The following ZNF780A variants were observed in gnomAD, a reference collection of about 807,000 sequenced individuals.
The protein encoded by ZNF780A is zinc finger protein 780A.
A neutral mutation model predicts 56.7 loss-of-function variants in ZNF780A; 40 were observed. The ratio of observed to expected loss-of-function variants is 0.71; its 90% confidence interval spans 0.55 to 0.92. ZNF780A has a LOEUF of 0.92. Ranked by LOEUF, ZNF780A falls within the 40% of genes least tolerant of loss-of-function variation. The pLI, the probability that ZNF780A is intolerant of heterozygous loss-of-function variation, is 0.00. For missense variants in ZNF780A, 672 were observed against 783.3 expected, an observed-to-expected ratio of 0.86 and a Z score of 1.70; for synonymous variants, 231 against 248.3, an observed-to-expected ratio of 0.93 and a Z score of 0.66.
chr19:40,090,037 T>C (rs1195855167), intron 2 of ZNF780A, 129 bp downstream of exon 2: 1 of 152,130 alleles, frequency 6.6e-6, no homozygotes, highest in African/African-American at 2.4e-5. Flanking sequence ...GACTATTAAG[T>C]GGAAAGGTGA....
chr19:40,079,859 A>G (rs562533213), intron 5 of ZNF780A, among the ~76,000 whole-genome samples: 23 of 152,328 alleles, frequency 1.5e-4, no homozygotes, highest in Non-Finnish European at 5.9e-5. Flanking sequence ...TGATGGCAAT[A>G]AACACCTACA....
intron 1 of ZNF780A, chr19:40,090,557 C>T (rs903029889): frequency 1.3e-5 from 2 of 152,410 alleles, no homozygotes; most frequent in African/African-American, 4.8e-5. Flanking sequence ...TGCTGCAGTC[C>T]CCGCAGCTGT....
intron 5 of ZNF780A, among the ~76,000 whole-genome samples, chr19:40,076,684 G>A (rs757411132): frequency 6.6e-5 from 10 of 152,116 alleles, no homozygotes; most frequent in Non-Finnish European, 1.2e-4. Flanking sequence ...GAACCAGCAC[G>A]TACAACTGGG....
Position 40,083,360 on chromosome 19 carries a change from C to CA in ZNF780A, c.10-124dup, listed in dbSNP as rs1260742238. ...TATGGAAATTCACAGAGTGCCTGCACATTCTTCAAGAAGTCTCCTGCTGGC... is the reference window on the plus strand; with the variant it reads ...TATGGAAATTCACAGAGTGCCTGCACAATTCTTCAAGAAGTCTCCTGCTGGC... On this transcript the variant is annotated intron_variant, in intron 3 of 5. Coordinates refer to ENST00000683561, the MANE Select transcript of ZNF780A (RefSeq NM_001142578.2). The CA allele has an allele frequency of 9.7e-6, 14 of 1,442,190 alleles. No homozygotes were observed. In the South Asian group the frequency reaches 1.9e-4, roughly 20 times the overall value. The allele number at this position is 1,442,190 out of a possible 1,614,324, so 89.3% of individuals were successfully genotyped here.
downstream of ZNF780A, chr19:40,072,861 AG>A (rs1973884266): frequency 6.5e-7 from 1 of 1,537,262 alleles, no homozygotes; most frequent in Non-Finnish European, 8.8e-7. Flanking sequence ...CTACATTCAT[AG>A]GATTTCCAGG....
intron 2 of ZNF780A, chr19:40,089,239 C>T (rs761117244): frequency 7.1e-7 from 1 of 1,413,100 alleles, no homozygotes; most frequent in Non-Finnish European, 9.4e-7. Context: ...TAGATTTAGT[C>T]ATTCCACAAT....
chr19:40,089,452 AC>A, intron 2 of ZNF780A: 1 of 498,794 alleles, frequency 2.0e-6, no homozygotes, highest in Non-Finnish European at 3.4e-6. Flanking sequence ...AAATGACTAC[AC>A]AAAAAACAAC....
intron 2 of ZNF780A, chr19:40,089,317 A>G: frequency 7.4e-7 from 1 of 1,350,762 alleles, no homozygotes; most frequent in Non-Finnish European, 9.7e-7. Context: ...CGATTTAAAA[A>G]GAAAGAATTT....
At chr19:40,088,279 A>G (rs906824598) in intron 2 of ZNF780A, among the ~76,000 whole-genome samples, 1 of 152,216 alleles carries the variant, frequency 6.6e-6, no homozygotes, top group Non-Finnish European at 1.5e-5. Flanking sequence ...TAAGAGATTA[A>G]GATCCAAAAT....
intron 4 of ZNF780A, among the ~76,000 whole-genome samples, chr19:40,082,210 C>T (rs1009100941): frequency 5.9e-5 from 9 of 152,146 alleles, no homozygotes; most frequent in Admixed American, 3.9e-4. Flanking sequence ...TACTCACTAG[C>T]AGTATGACCT....
chr19:40,080,948 G>T (rs1476878266), intron 5 of ZNF780A, among the ~76,000 whole-genome samples: 1 of 152,100 alleles, frequency 6.6e-6, no homozygotes, highest in Non-Finnish European at 1.5e-5. Context: ...ACTGGAAATG[G>T]ATTAAAGACT....
chr19:40,076,255 C>T (rs770546868), intron 5 of ZNF780A, 46 bp from the exon 6 acceptor site: 3 of 1,498,200 alleles, frequency 2.0e-6, no homozygotes, highest in Non-Finnish European at 2.7e-6. Context: ...TCGTATAACA[C>T]ACATGCATAC....
intron 3 of ZNF780A, 61 bp downstream of exon 3, chr19:40,084,684 T>C (rs1974682031): frequency 4.7e-6 from 7 of 1,498,012 alleles, no homozygotes; most frequent in Non-Finnish European, 6.3e-6. Flanking sequence ...GGTTAAATAA[T>C]AACAGTCACC....
Position 40,074,351 on chromosome 19 carries a change from AAG to A in ZNF780A, c.*163_*164del. On this transcript the variant is annotated 3_prime_UTR_variant, in exon 6 of 6. Coordinates refer to ENST00000683561, the MANE Select transcript of ZNF780A (RefSeq NM_001142578.2). The stretch of plus-strand genomic sequence containing the variant: ...GGTCGTCCTCCACTCCTTGCATACA[AAG>A]AGTTTCTCACTGGAATGAATTTTCT... 1 of 1,528,850 alleles carries A rather than the reference AAG, an allele frequency of 6.5e-7. No individual in the cohort carries two copies. The highest frequency in any genetic ancestry group is 1.3e-5 in the South Asian group (1 of 74,632). 94.7% of individuals were successfully genotyped at this position (1,528,850 alleles called of 1,614,324 possible).
At chr19:40,080,367 G>C (rs1470892678) in intron 5 of ZNF780A, among the ~76,000 whole-genome samples, 1 of 152,254 alleles carries the variant, frequency 6.6e-6, no homozygotes, top group East Asian at 1.9e-4. Flanking sequence ...CTAGCCTAAA[G>C]TCACATGAAT....
At chr19:40,089,075 G>T (rs1055371157) in intron 2 of ZNF780A, among the ~76,000 whole-genome samples, 16 of 152,056 alleles carry the variant, frequency 1.1e-4, no homozygotes, top group African/African-American at 3.9e-4. Context: ...ATTTCAGGAA[G>T]ATAAGAGAAA....
chr19:40,076,880 A>G (rs920997147), intron 5 of ZNF780A, among the ~76,000 whole-genome samples: 2 of 152,032 alleles, frequency 1.3e-5, no homozygotes, highest in African/African-American at 4.8e-5. Flanking sequence ...TGTACTCACA[A>G]CCGGAAGTTC....
At position 40,075,639 on chromosome 19, in the gene ZNF780A, T is replaced by C; in HGVS notation, c.803A>G (p.Gln268Arg). 5.6e-6 allele frequency: 9 copies of C among 1,613,864 alleles called. No individual in the cohort carries two copies. The highest frequency in any genetic ancestry group is 1.7e-4 in the Middle Eastern group (1 of 6,060). Residue 268 changes from glutamine (Q) to arginine (R), a missense_variant, in exon 6 of 6, where the codon CAG (glutamine) becomes CGG (arginine). Gln to Arg is a conservative substitution (Grantham distance 43). Coordinates refer to ENST00000683561, the MANE Select transcript of ZNF780A (RefSeq NM_001142578.2). Reference protein sequence around the residue: ...FNRSSNLVQHQSIHSGVKPYE... With the variant: ...FNRSSNLVQHRSIHSGVKPYE... ...TGGTTTTACACCAGAATGAATACTCTGATGTTGAACAAGGTTTGAGCTACG... is the reference window on the plus strand; with the variant it reads ...TGGTTTTACACCAGAATGAATACTCCGATGTTGAACAAGGTTTGAGCTACG...
At position 40,073,923 on chromosome 19, in the gene ZNF780A, C is replaced by T. The variant is rs1213191627; in HGVS notation, c.*593G>A. The T allele has an allele frequency of 6.8e-6, 7 of 1,022,124 alleles. No individual in the cohort carries two copies. Among genetic ancestry groups the T allele is most frequent in the Non-Finnish European group, 8.2e-6 (7 of 850,438 alleles). 63.3% of individuals were successfully genotyped at this position (1,022,124 alleles called of 1,614,324 possible). ...CCACAGCAAATGCTTTCCCATATTC[C>T]TTACATTATAGCGTTTCTCACCAGT... is the stretch of plus-strand genomic sequence containing the variant. On this transcript the variant is annotated 3_prime_UTR_variant, in exon 6 of 6. Coordinates refer to ENST00000683561, the MANE Select transcript of ZNF780A (RefSeq NM_001142578.2).
Sources: allele counts gnomAD v4.1 joint callset (sites outside exome capture counted in the v4.1 genomes callset), GRCh38; gene constraint gnomAD v4.1.1; transcripts MANE v1.5; gene names NCBI Gene and HGNC (gene_info 2026-07-23, HGNC 2026-07-21).